WDR82: variants seen among roughly 807,000 people sequenced by gnomAD.
WDR82 encodes WD repeat-containing protein 82.
A neutral mutation model predicts 36.1 loss-of-function variants in WDR82; 8 were observed. The observed-to-expected ratio is 0.22, with a 90% confidence interval of 0.13 to 0.40. The LOEUF (loss-of-function observed/expected upper bound fraction) is 0.40, where lower values mean the gene tolerates loss of function less well. Ranked by LOEUF, WDR82 falls within the 10% of genes least tolerant of loss-of-function variation. The pLI, the probability that WDR82 is intolerant of heterozygous loss-of-function variation, is 1.00. For synonymous variants in WDR82, 129 were observed against 137.8 expected, an observed-to-expected ratio of 0.94 and a Z score of 0.45; for missense variants, 185 against 400.5, an observed-to-expected ratio of 0.46 and a Z score of 4.59.
intron 1 of WDR82, among the ~76,000 whole-genome samples, chr3:52,271,300 T>G (rs1700151415): frequency 6.6e-6 from 1 of 152,218 alleles, no homozygotes; most frequent in African/African-American, 2.4e-5. Context: ...CAGTATTCAG[T>G]ACTGTAAAAT....
intron 8 of WDR82, 58 bp from the exon 9 acceptor site, chr3:52,257,577 T>A (rs1043452868): frequency 1.2e-6 from 2 of 1,609,722 alleles, no homozygotes; most frequent in Non-Finnish European, 1.7e-6. Flanking sequence ...CTGCCAACGG[T>A]TCTTCACATC....
At chr3:52,266,681 G>A (rs1388460535) in intron 3 of WDR82, among the ~76,000 whole-genome samples, 1 of 152,036 alleles carries the variant, frequency 6.6e-6, no homozygotes, top group Non-Finnish European at 1.5e-5. Context: ...CAAGTGATCC[G>A]CCCGCCGCGG....
chr3:52,259,631 G>T, intron 6 of WDR82, 86 bp downstream of exon 6: 1 of 1,479,072 alleles, frequency 6.8e-7, no homozygotes, highest in Non-Finnish European at 9.1e-7. Flanking sequence ...AAGAGTAACT[G>T]TTGGTCTCCA....
At chr3:52,269,987 C>T (rs1018220776) in intron 2 of WDR82, among the ~76,000 whole-genome samples, 1 of 152,220 alleles carries the variant, frequency 6.6e-6, no homozygotes, top group Non-Finnish European at 1.5e-5. Context: ...AACACCAAAA[C>T]TGTTCTAACT....
chr3:52,257,593 C>T, intron 8 of WDR82, 74 bp from the exon 9 acceptor site: 1 of 1,597,462 alleles, frequency 6.3e-7, no homozygotes, highest in Non-Finnish European at 8.6e-7. Flanking sequence ...ACATCCCACC[C>T]CACAGCAAAA....
intron 1 of WDR82, among the ~76,000 whole-genome samples, chr3:52,274,024 T>C (rs1488482699): frequency 6.6e-6 from 1 of 152,232 alleles, no homozygotes; most frequent in South Asian, 2.1e-4. Context: ...GCTTCCTTCC[T>C]CAAACTATAA....
chr3:52,271,919 G>A (rs1315096326), intron 1 of WDR82, among the ~76,000 whole-genome samples: 1 of 151,944 alleles, frequency 6.6e-6, no homozygotes, highest in East Asian at 1.9e-4. Context: ...GTGAAACCCC[G>A]TCTCTACTAA....
intron 2 of WDR82, chr3:52,268,203 C>T (rs1030515521): frequency 2.4e-6 from 1 of 413,058 alleles, no homozygotes; most frequent in Non-Finnish European, 5.2e-6. Context: ...ACTTCCTCCC[C>T]ATTACCTGGT....
chr3:52,260,316 CA>C (rs1700050187), intron 5 of WDR82, 68 bp downstream of exon 5: 1 of 1,242,570 alleles, frequency 8.0e-7, no homozygotes, highest in Non-Finnish European at 1.1e-6. Context: ...GCAATAAGAG[CA>C]AAACTCTGTC....
intron 3 of WDR82, among the ~76,000 whole-genome samples, chr3:52,264,004 A>G (rs1700084912): frequency 6.6e-6 from 1 of 152,134 alleles, no homozygotes; most frequent in Admixed American, 6.5e-5. Context: ...TCTCTATAAA[A>G]ACACAAAAAT....
intron 1 of WDR82, among the ~76,000 whole-genome samples, chr3:52,272,703 T>C (rs1700165340): frequency 2.0e-5 from 3 of 152,220 alleles, no homozygotes; most frequent in Admixed American, 2.0e-4. Context: ...TCATAAATCC[T>C]GTACTAATGT....
At position 52,259,275 on chromosome 3, in the gene WDR82, A is replaced by T; in HGVS notation, c.700-9T>A. The T allele has an allele frequency of 6.2e-7, 1 of 1,613,896 alleles. No homozygotes were observed. The highest frequency in any genetic ancestry group is 8.5e-7 in the Non-Finnish European group (1 of 1,179,920). On this transcript the variant is annotated splice_polypyrimidine_tract_variant and intron_variant, in intron 6 of 8. Transcript: ENST00000296490. ...TTGCTGTTGGCATAACCCTAAAACAAAACAGAGCAGTTCTTTTGTTCTTAC... is the reference window on the plus strand; with the variant it reads ...TTGCTGTTGGCATAACCCTAAAACATAACAGAGCAGTTCTTTTGTTCTTAC...
intron 8 of WDR82, 121 bp from the exon 9 acceptor site, chr3:52,257,640 C>A (rs370774153): frequency 9.4e-7 from 1 of 1,060,988 alleles, no homozygotes. Context: ...AGCCCTCTCT[C>A]CTAACCAACC....
At chr3:52,257,931 T>C (rs1452234979) in intron 8 of WDR82, among the ~76,000 whole-genome samples, 1 of 152,028 alleles carries the variant, frequency 6.6e-6, no homozygotes, top group Non-Finnish European at 1.5e-5. Flanking sequence ...CTAACATTTT[T>C]TTCTTGGTTA....
At chr3:52,260,053 G>A (rs531284903) in intron 5 of WDR82, among the ~76,000 whole-genome samples, 181 bp from the exon 6 acceptor site, 29 of 152,290 alleles carry the variant, frequency 1.9e-4, no homozygotes, top group African/African-American at 5.8e-4. Flanking sequence ...TTACAGGGCC[G>A]GGCGCGGTGG....
At chr3:52,271,455 T>C (rs1379428240) in intron 1 of WDR82, among the ~76,000 whole-genome samples, 3 of 152,334 alleles carry the variant, frequency 2.0e-5, no homozygotes, top group East Asian at 3.9e-4. Flanking sequence ...AAGTGATGCA[T>C]GGCTGTACAT....
At chr3:52,269,025 G>A (rs1442495124) in intron 2 of WDR82, among the ~76,000 whole-genome samples, 1 of 151,994 alleles carries the variant, frequency 6.6e-6, no homozygotes, top group Non-Finnish European at 1.5e-5. Context: ...AAGTTGCCCA[G>A]GCTAATCTCG....
rs1699997459 is a variant in WDR82, at chr3:52,255,400, C to T, written c.*2090G>A. 1 of 152,122 alleles carries T rather than the reference C, an allele frequency of 6.6e-6. No homozygotes were observed. Among genetic ancestry groups the T allele is most frequent in the Non-Finnish European group, 1.5e-5 (1 of 68,030 alleles). 9.4% of individuals were successfully genotyped at this position (152,122 alleles called of 1,614,324 possible). ...TCCTGTTAACCCATGGTTCCAAGCA[C>T]TCTCTCTTAACAATCATTCCTACTG... On this transcript the variant is annotated 3_prime_UTR_variant, in exon 9 of 9. Coordinates refer to ENST00000296490, the MANE Select transcript of WDR82 (RefSeq NM_025222.4).
At chr3:52,259,373 C>A in intron 6 of WDR82, 107 bp from the exon 7 acceptor site, 1 of 1,147,500 alleles carries the variant, frequency 8.7e-7, no homozygotes, top group Non-Finnish European at 1.3e-6. Flanking sequence ...CCATGAAACC[C>A]TTTCCTTGTC....
Sources: gnomAD v4.1 joint callset for allele counts (sites outside exome capture counted in the v4.1 genomes callset) on GRCh38, gnomAD v4.1.1 for gene constraint, MANE v1.5 for transcripts, NCBI Gene and HGNC (gene_info 2026-07-23, HGNC 2026-07-21) for gene names.